Variants in RTF2 observed in about 807,000 individuals in gnomAD.
RTF2 encodes UPF0549 protein C20orf43.
RTF2 carries 18 observed loss-of-function variants against 38.0 expected under a neutral mutation model. That is an observed-to-expected ratio of 0.47 (90% CI 0.33 to 0.70). The LOEUF (loss-of-function observed/expected upper bound fraction) is 0.70. Among genes scored for constraint, RTF2 ranks in the 30% least tolerant of loss-of-function variants. The probability of loss-of-function intolerance (pLI) is 0.02; values close to 1 mark genes in which losing one functional copy is unlikely to be tolerated. For synonymous variants in RTF2, 126 were observed against 137.1 expected, an observed-to-expected ratio of 0.92 and a Z score of 0.57; for missense variants, 311 against 379.6, an observed-to-expected ratio of 0.82 and a Z score of 1.50.
At chr20:56,475,280 A>G (rs6099161) in intron 3 of RTF2, among the ~76,000 whole-genome samples, 62,401 of 151,874 alleles carry the variant, frequency 0.41, 13,783 homozygotes, top group East Asian at 0.94. Flanking sequence ...TGGAAAGGTA[A>G]TGAAGAATTT....
chr20:56,486,087 A>G (rs1256640222), intron 5 of RTF2, among the ~76,000 whole-genome samples: 1 of 152,110 alleles, frequency 6.6e-6, no homozygotes, highest in African/African-American at 2.4e-5. Context: ...ACAGCCAGGT[A>G]CTGGGTATCT....
chr20:56,517,007 A>T lies in RTF2; in HGVS notation c.646+18A>T, dbSNP rs200348126. 2 of 1,612,662 alleles carry T rather than the reference A, an allele frequency of 1.2e-6. No individual in the cohort carries two copies. The highest frequency in any genetic ancestry group is 1.7e-5 in the Admixed American group (1 of 59,986). On this transcript the variant is annotated intron_variant, in intron 7 of 8. Coordinates refer to ENST00000357348, the MANE Select transcript of RTF2 (RefSeq NM_016407.5). Reference sequence around the variant, plus strand: ...CAGTGAAGGTAAGATCCTTCAAGAGATCCTTATTTTAGCAAAATGCGACTC... The same window carrying T: ...CAGTGAAGGTAAGATCCTTCAAGAGTTCCTTATTTTAGCAAAATGCGACTC...
In RTF2 at chr20:56,474,912, G is replaced by T. The variant is rs1982160624; in HGVS notation, c.258+141G>T. On this transcript the variant is annotated intron_variant, in intron 3 of 8. Transcript: ENST00000357348. ...GGCCATCTAATACAGGTATGATCTT[G>T]AGAGGTCACTTAAATCTCAAGCCAC... The T allele has an allele frequency of 1.8e-5, 9 of 510,336 alleles. No individual in the cohort carries two copies. In the South Asian group the frequency reaches 2.9e-4, roughly 16 times the overall value. The allele number at this position is 510,336 out of a possible 1,614,324, so 31.6% of individuals were successfully genotyped here.
intron 6 of RTF2, chr20:56,516,588 T>A (rs1239613010): frequency 3.0e-6 from 1 of 331,822 alleles, no homozygotes. Context: ...CTCATTTAAG[T>A]GCGCTTTTGT....
At chr20:56,487,049 C>T (rs1028282527) in intron 5 of RTF2, among the ~76,000 whole-genome samples, 1 of 152,154 alleles carries the variant, frequency 6.6e-6, no homozygotes, top group African/African-American at 2.4e-5. Context: ...TTTAATGGGT[C>T]ACCAGGTTTG....
At chr20:56,515,593 GAGAGAGAC>G (rs1423685389) in intron 6 of RTF2, 10,881 of 113,268 alleles carry the variant, frequency 0.096, 401 homozygotes, top group African/African-American at 0.11. Flanking sequence ...GAGAGAGAGA[GAGAGAGAC>G]ACACACACAC....
intron 2 of RTF2, 27 bp from the exon 3 acceptor site, chr20:56,474,651 A>G: frequency 6.9e-7 from 1 of 1,452,832 alleles, no homozygotes. Context: ...GCTTGTTGAC[A>G]TAATATTCTA....
At chr20:56,471,884 C>T (rs1172345857) in intron 1 of RTF2, among the ~76,000 whole-genome samples, 1 of 152,216 alleles carries the variant, frequency 6.6e-6, no homozygotes. Flanking sequence ...CTGCTTAGCA[C>T]AGTGCCTGGC....
rs181822993 is a variant in RTF2, at chr20:56,500,465, C to T, written c.478-12850C>T. Among the ~76,000 whole-genome samples the T allele has an allele frequency of 4.6e-5, 7 of 152,252 alleles. No homozygotes were observed. In the South Asian group the frequency reaches 6.2e-4, roughly 14 times the overall value. On this transcript the variant is annotated intron_variant, in intron 5 of 8. Coordinates refer to ENST00000357348, the MANE Select transcript of RTF2 (RefSeq NM_016407.5). ...ACCCCATGTAAATTTGGCTGTGCGCCGAGCCCAGGAGATTGGGTATTTTCA... is the reference window on the plus strand; with the variant it reads ...ACCCCATGTAAATTTGGCTGTGCGCTGAGCCCAGGAGATTGGGTATTTTCA...
At chr20:56,496,949 G>T in intron 5 of RTF2, 1 of 1,551,298 alleles carries the variant, frequency 6.4e-7, no homozygotes, top group Non-Finnish European at 8.7e-7. Context: ...TGCTTCTGAT[G>T]TAGTGTATGA....
At chr20:56,496,755 GT>G (rs1222406585) in intron 5 of RTF2, 1 of 1,551,974 alleles carries the variant, frequency 6.4e-7, no homozygotes. Context: ...AAACTTCCTT[GT>G]AAGTACATAG....
chr20:56,517,782 G>T (rs1227102382), intron 8 of RTF2, among the ~76,000 whole-genome samples: 1 of 152,164 alleles, frequency 6.6e-6, no homozygotes, highest in African/African-American at 2.4e-5. Flanking sequence ...CTCTACATGG[G>T]ACAGCCACTC....
At chr20:56,470,599 G>C (rs1009778546) in intron 1 of RTF2, 1 of 455,986 alleles carries the variant, frequency 2.2e-6, no homozygotes, top group Admixed American at 2.4e-5. Flanking sequence ...GTTCTAATAA[G>C]GCAATTATTG....
At chr20:56,491,085 T>C (rs1056603764) in intron 5 of RTF2, among the ~76,000 whole-genome samples, 2 of 152,346 alleles carry the variant, frequency 1.3e-5, no homozygotes, top group African/African-American at 4.8e-5. Flanking sequence ...AAATACACTC[T>C]TCATTATTTT....
At chr20:56,506,922 G>A (rs1165928227) in intron 5 of RTF2, among the ~76,000 whole-genome samples, 3 of 152,038 alleles carry the variant, frequency 2.0e-5, no homozygotes, top group Admixed American at 1.3e-4. Flanking sequence ...GGATGGTCTC[G>A]ATCTCTTGAC....
chr20:56,519,042 G>T lies in RTF2; in HGVS notation c.*777G>T, dbSNP rs1406653377. Reference sequence around the variant, plus strand: ...AAGGGAGAATCGTACCCAAAAAGAGGTGCATTTTATCTGCCTATAAGTTGT... The same window carrying T: ...AAGGGAGAATCGTACCCAAAAAGAGTTGCATTTTATCTGCCTATAAGTTGT... On this transcript the variant is annotated 3_prime_UTR_variant, in exon 9 of 9. Coordinates refer to ENST00000357348, the MANE Select transcript of RTF2 (RefSeq NM_016407.5). 6.6e-6 allele frequency: 1 copy of T among 152,176 alleles called. No homozygotes were observed. Among genetic ancestry groups the T allele is most frequent in the Non-Finnish European group, 1.5e-5 (1 of 68,052 alleles). 9.4% of individuals were successfully genotyped at this position (152,176 alleles called of 1,614,324 possible).
At chr20:56,507,088 T>A (rs1984328067) in intron 5 of RTF2, among the ~76,000 whole-genome samples, 1 of 152,202 alleles carries the variant, frequency 6.6e-6, no homozygotes. Flanking sequence ...TTTAAATGGA[T>A]GTATAATTTC....
intron 5 of RTF2, among the ~76,000 whole-genome samples, chr20:56,510,551 A>C (rs1042847886): frequency 3.3e-5 from 5 of 152,228 alleles, no homozygotes; most frequent in Non-Finnish European, 7.3e-5. Context: ...TCACTGCTCC[A>C]TTTTTTATTT....
At chr20:56,484,044 C>A in intron 4 of RTF2, 67 bp from the exon 5 acceptor site, 1 of 1,377,130 alleles carries the variant, frequency 7.3e-7, no homozygotes, top group Non-Finnish European at 1.0e-6. Context: ...GCCTTTGTAT[C>A]AACCGAATAA....
Sources: allele counts gnomAD v4.1 joint callset (sites outside exome capture counted in the v4.1 genomes callset), GRCh38; gene constraint gnomAD v4.1.1; transcripts MANE v1.5; gene names NCBI Gene and HGNC (gene_info 2026-07-23, HGNC 2026-07-21).